FAAH2: variants seen among roughly 807,000 people sequenced by gnomAD.
The protein encoded by FAAH2 is fatty-acid amide hydrolase 2.
A neutral mutation model predicts 36.9 loss-of-function variants in FAAH2; 60 were observed. The observed-to-expected ratio is 1.63, with a 90% CI of 1.32 to 2.02. FAAH2 has a LOEUF of 2.02. Among genes scored for constraint, FAAH2 ranks in the 30% most tolerant of loss-of-function variants. The pLI is 0.00. For synonymous variants in FAAH2, 214 were observed against 143.8 expected, an observed-to-expected ratio of 1.49 and a Z score of -3.49; for missense variants, 689 against 397.5, an observed-to-expected ratio of 1.73 and a Z score of -6.23.
chrX:57,458,507 A>T (rs1322223812), intron 10 of FAAH2, among the ~76,000 whole-genome samples: 1 of 111,171 alleles, frequency 9.0e-6, no homozygotes, highest in Non-Finnish European at 1.9e-5. Context: ...AAAACAAAAA[A>T]ATCCTAGAAG....
At chrX:57,159,188 C>A in the FAAH2 span, among the ~76,000 whole-genome samples, 1 of 111,411 alleles carries the variant, frequency 9.0e-6, no homozygotes, top group Non-Finnish European at 1.9e-5. Context: ...TGTTCTGTTC[C>A]ATTTGTCTAT....
chrX:57,145,085 G>A, the FAAH2 span, among the ~76,000 whole-genome samples: 1 of 111,431 alleles, frequency 9.0e-6, no homozygotes, highest in Admixed American at 9.5e-5. Flanking sequence ...TAGTGGGATT[G>A]CTGGATCAAA....
At chrX:57,163,146 G>A in the FAAH2 span, among the ~76,000 whole-genome samples, 4 of 111,799 alleles carry the variant, frequency 3.6e-5, no homozygotes, top group Non-Finnish European at 7.5e-5. Context: ...TGCCCCTGCT[G>A]GGGGGTGACT....
chrX:57,191,075 T>C, the FAAH2 span, among the ~76,000 whole-genome samples: 1 of 111,851 alleles, frequency 8.9e-6, no homozygotes, highest in Non-Finnish European at 1.9e-5. Flanking sequence ...CTGTTCTCCA[T>C]AGTGGTTTTA....
At chrX:57,156,628 G>A in the FAAH2 span, among the ~76,000 whole-genome samples, 1 of 112,214 alleles carries the variant, frequency 8.9e-6, no homozygotes, top group Non-Finnish European at 1.9e-5. Context: ...CTGGTATGCT[G>A]CAACTCTTGC....
chrX:57,349,260 T>C (rs1411427346), intron 5 of FAAH2, among the ~76,000 whole-genome samples: 1 of 95,438 alleles, frequency 1.0e-5, no homozygotes, highest in African/African-American at 3.7e-5. Flanking sequence ...TGTGTGTATA[T>C]ATGTATATAC....
At chrX:57,448,972 G>T (rs898282487) in intron 10 of FAAH2, among the ~76,000 whole-genome samples, 1 of 111,171 alleles carries the variant, frequency 9.0e-6, no homozygotes, top group Non-Finnish European at 1.9e-5. Context: ...CCTCAGGGAG[G>T]TTCAGCCACT....
At chrX:57,266,591 A>G in the FAAH2 span, among the ~76,000 whole-genome samples, 1 of 112,296 alleles carries the variant, frequency 8.9e-6, no homozygotes, top group East Asian at 2.8e-4. Flanking sequence ...GTGCCTATCC[A>G]CAACTTTAAC....
At chrX:57,474,582 C>T (rs1001713771) in intron 10 of FAAH2, among the ~76,000 whole-genome samples, 1 of 111,846 alleles carries the variant, frequency 8.9e-6, no homozygotes, top group African/African-American at 3.3e-5. Context: ...TATATATGTG[C>T]CATGTTTTCT....
At chrX:57,317,988 G>T (rs758303347) in intron 3 of FAAH2, among the ~76,000 whole-genome samples, 5 of 111,539 alleles carry the variant, frequency 4.5e-5, no homozygotes, top group Non-Finnish European at 9.4e-5. Context: ...CAATGTACTG[G>T]GATCTCTGAG....
chrX:57,316,339 A>G (rs865968711), intron 3 of FAAH2, among the ~76,000 whole-genome samples: 1 of 112,078 alleles, frequency 8.9e-6, no homozygotes, highest in Middle Eastern at 4.6e-3. Context: ...TTCCTACCAA[A>G]CTACCAAAGA....
At chrX:57,353,463 C>A (rs1426409928) in intron 5 of FAAH2, among the ~76,000 whole-genome samples, 27 of 84,864 alleles carry the variant, frequency 3.2e-4, no homozygotes, top group African/African-American at 1.0e-3. Flanking sequence ...TAATTAAAAA[C>A]CTAAACAGAA....
chrX:57,423,668 AG>A (rs2056090377), intron 7 of FAAH2, among the ~76,000 whole-genome samples: 1 of 110,846 alleles, frequency 9.0e-6, no homozygotes, highest in East Asian at 2.8e-4. Context: ...GCATTGCCCC[AG>A]TGGTGTTAGA....
chrX:57,234,921 C>T, the FAAH2 span, among the ~76,000 whole-genome samples: 13 of 111,423 alleles, frequency 1.2e-4, no homozygotes, highest in Admixed American at 9.5e-4. Context: ...CCTAGTAATC[C>T]TAGCTACTAG....
intron 8 of FAAH2, among the ~76,000 whole-genome samples, chrX:57,439,006 G>A (rs1466589468): frequency 1.8e-5 from 2 of 110,808 alleles, no homozygotes; most frequent in Admixed American, 9.7e-5. Flanking sequence ...TATCGTTGTT[G>A]GACATTTGGG....
chrX:57,209,393 C>T, the FAAH2 span, among the ~76,000 whole-genome samples: 4 of 111,619 alleles, frequency 3.6e-5, no homozygotes, highest in Non-Finnish European at 7.5e-5. Context: ...AGTTAACAGA[C>T]ATTTAATTCT....
intron 8 of FAAH2, among the ~76,000 whole-genome samples, chrX:57,441,959 C>A (rs188043837): frequency 1.9e-4 from 21 of 112,032 alleles, no homozygotes; most frequent in Non-Finnish European, 3.6e-4. Flanking sequence ...TTCGATTGCA[C>A]TGTGGTCTGA....
At chrX:57,236,532 T>C in the FAAH2 span, among the ~76,000 whole-genome samples, 1 of 112,239 alleles carries the variant, frequency 8.9e-6, no homozygotes, top group East Asian at 2.8e-4. Context: ...ATAGTAGCCA[T>C]TCTAACAAAA....
chrX:57,318,719 A>C (rs2052921671), intron 3 of FAAH2, among the ~76,000 whole-genome samples: 1 of 111,920 alleles, frequency 8.9e-6, no homozygotes, highest in Non-Finnish European at 1.9e-5. Flanking sequence ...ACACAACAAA[A>C]AAAGAAAATT....
Sources: allele counts gnomAD v4.1 joint callset (sites outside exome capture counted in the v4.1 genomes callset), GRCh38; gene constraint gnomAD v4.1.1; transcripts MANE v1.5; gene names NCBI Gene and HGNC (gene_info 2026-07-23, HGNC 2026-07-21).